The following CTNND2 variants were observed in gnomAD, a reference collection of about 807,000 sequenced individuals.
CTNND2 encodes the protein catenin delta-2.
Under a neutral mutation model 144.4 loss-of-function variants are expected in CTNND2, and 22 were observed. That is an observed-to-expected ratio of 0.15 (90% CI 0.11 to 0.22). CTNND2 has a LOEUF of 0.22. Among genes scored for constraint, CTNND2 ranks in the 10% least tolerant of loss-of-function variants. CTNND2 has a pLI of 1.00. For synonymous variants in CTNND2, 751 were observed against 695.6 expected (o/e 1.08, Z -1.25); for missense variants, 1,353 against 1,618.8 (o/e 0.84, Z 2.82).
intron 1 of CTNND2, among the ~76,000 whole-genome samples, chr5:11,753,846 G>A (rs1325746028): frequency 1.3e-5 from 2 of 151,596 alleles, no homozygotes; most frequent in Non-Finnish European, 2.9e-5. Context: ...TTCAATTTTG[G>A]AACTCATTAT....
At chr5:11,458,746 A>T (rs1400162937) in intron 3 of CTNND2, among the ~76,000 whole-genome samples, 1 of 151,994 alleles carries the variant, frequency 6.6e-6, no homozygotes, top group Non-Finnish European at 1.5e-5. Context: ...TCTAACTCAA[A>T]GATTTGTTTT....
At chr5:11,485,378 CGCGCGCGCGT>C (rs992169139) in intron 3 of CTNND2, among the ~76,000 whole-genome samples, 15 of 94,366 alleles carry the variant, frequency 1.6e-4, no homozygotes, top group East Asian at 5.8e-4. Flanking sequence ...TGTGTGTGCG[CGCGCGCGCGT>C]GCGCGCGCAC....
chr5:11,423,889 T>G (rs998138656), intron 3 of CTNND2, among the ~76,000 whole-genome samples: 7 of 152,016 alleles, frequency 4.6e-5, no homozygotes, highest in Admixed American at 3.3e-4. Flanking sequence ...AAGAAAAAAT[T>G]TTTTTTTTGC....
chr5:11,548,896 GATTA>G (rs1292227108), intron 3 of CTNND2, among the ~76,000 whole-genome samples: 1 of 152,166 alleles, frequency 6.6e-6, no homozygotes, highest in Non-Finnish European at 1.5e-5. Context: ...ACTAAATTCT[GATTA>G]ATTTTCTTCC....
intron 16 of CTNND2, among the ~76,000 whole-genome samples, chr5:11,033,523 T>C (rs547953398): frequency 1.3e-5 from 2 of 152,214 alleles, no homozygotes; most frequent in African/African-American, 4.8e-5. Flanking sequence ...AAGTTGCTGG[T>C]CCTTTAAGAA....
chr5:11,071,656 C>T (rs2149612856), intron 16 of CTNND2, among the ~76,000 whole-genome samples: 1 of 151,150 alleles, frequency 6.6e-6, no homozygotes, highest in East Asian at 1.9e-4. Context: ...GAGTACCTTG[C>T]AAAGGTAAGC....
intron 3 of CTNND2, among the ~76,000 whole-genome samples, chr5:11,454,511 A>G (rs1765565817): frequency 6.6e-6 from 1 of 152,116 alleles, no homozygotes; most frequent in Non-Finnish European, 1.5e-5. Context: ...CAAATCAAGT[A>G]TTTGTTTAGA....
chr5:10,977,258 A>G (rs1356071980), intron 21 of CTNND2, among the ~76,000 whole-genome samples: 1 of 152,220 alleles, frequency 6.6e-6, no homozygotes, highest in Non-Finnish European at 1.5e-5. Flanking sequence ...TAAGGACACC[A>G]GGAAGGAACT....
Position 11,384,601 on chromosome 5 carries a change from C to A in CTNND2, c.1177+64G>T, listed in dbSNP as rs972603101. ...CGGCTTCGCTTCTGCTCAAGCCGGG[C>A]TGCTGCTTCCGCGTCCCCGCCACGC... is the stretch of plus-strand genomic sequence containing the variant. On this transcript the variant is annotated intron_variant, in intron 7 of 21. Transcript: ENST00000304623. The surrounding 1 kb of genome is among the most constrained non-coding windows in gnomAD (Gnocchi z 5.2). 126 of 1,481,136 alleles carry A rather than the reference C, an allele frequency of 8.5e-5. No individual in the cohort carries two copies. The highest frequency in any genetic ancestry group is 1.1e-4 in the Non-Finnish European group (123 of 1,104,002). 91.7% of individuals were successfully genotyped at this position (1,481,136 alleles called of 1,614,324 possible).
chr5:11,256,410 T>G (rs77760049), intron 9 of CTNND2, among the ~76,000 whole-genome samples: 4,418 of 152,220 alleles, frequency 0.029, 106 homozygotes, highest in African/African-American at 0.062. Flanking sequence ...TTGACACTTA[T>G]TTGTGTAATT....
intron 21 of CTNND2, among the ~76,000 whole-genome samples, chr5:10,976,577 G>GGTCA (rs1736514042): frequency 1.3e-5 from 2 of 152,072 alleles, no homozygotes; most frequent in Non-Finnish European, 2.9e-5. Flanking sequence ...CTCACTCCAG[G>GGTCA]GTCAATATGC....
intron 3 of CTNND2, among the ~76,000 whole-genome samples, chr5:11,476,700 G>A (rs31940): frequency 0.22 from 33,439 of 151,996 alleles, 4,747 homozygotes; most frequent in African/African-American, 0.41. Context: ...AAATGTTCAT[G>A]ATTATTATTA....
chr5:11,268,979 C>T (rs527309464), intron 9 of CTNND2, among the ~76,000 whole-genome samples: 1 of 152,316 alleles, frequency 6.6e-6, no homozygotes, highest in African/African-American at 2.4e-5. Context: ...TCATTTCAAC[C>T]ATGCATAAAT....
intron 3 of CTNND2, among the ~76,000 whole-genome samples, chr5:11,503,964 A>T (rs898983999): frequency 2.0e-5 from 3 of 152,240 alleles, no homozygotes; most frequent in Admixed American, 1.3e-4. Context: ...CAAAGAAAAA[A>T]ACTGCATGAA....
chr5:11,132,252 C>T (rs1198620242), intron 12 of CTNND2, among the ~76,000 whole-genome samples: 5 of 152,142 alleles, frequency 3.3e-5, no homozygotes, highest in Non-Finnish European at 7.3e-5. Context: ...GGGCAGAAGC[C>T]GCTGTTATTC....
At chr5:11,263,253 C>G (rs767836545) in intron 9 of CTNND2, among the ~76,000 whole-genome samples, 2 of 152,172 alleles carry the variant, frequency 1.3e-5, no homozygotes, top group Non-Finnish European at 2.9e-5. Context: ...CTAAAAATCT[C>G]TTTTGTATAA....
chr5:11,357,899 G>A (rs550932842), intron 8 of CTNND2, among the ~76,000 whole-genome samples: 3 of 152,150 alleles, frequency 2.0e-5, no homozygotes, highest in African/African-American at 7.2e-5. Flanking sequence ...TTAAGTGATA[G>A]AGCATGTCTG....
intron 1 of CTNND2, among the ~76,000 whole-genome samples, chr5:11,749,773 AAAT>A (rs1435927293): frequency 6.6e-6 from 1 of 151,976 alleles, no homozygotes; most frequent in Non-Finnish European, 1.5e-5. Context: ...AATAAGTATA[AAAT>A]AATAGTCTTA....
chr5:11,374,054 G>A (rs1267621873), intron 7 of CTNND2, among the ~76,000 whole-genome samples: 2 of 152,116 alleles, frequency 1.3e-5, no homozygotes, highest in Non-Finnish European at 2.9e-5. Flanking sequence ...CAAGCCTTAT[G>A]TCTGAGGAGG....
Sources: gnomAD v4.1 joint callset for allele counts (sites outside exome capture counted in the v4.1 genomes callset) on GRCh38, gnomAD v4.1.1 for gene constraint, Gnocchi (gnomAD v3.1) non-coding constraint, MANE v1.5 for transcripts, NCBI Gene and HGNC (gene_info 2026-07-23, HGNC 2026-07-21) for gene names.